ZNF385D: variants seen among roughly 807,000 people sequenced by gnomAD.
ZNF385D encodes zinc finger protein 385D.
ZNF385D carries 15 observed loss-of-function variants against 35.8 expected under a neutral mutation model. The ratio of observed to expected loss-of-function variants is 0.42; its 90% CI spans 0.28 to 0.64. The LOEUF (loss-of-function observed/expected upper bound fraction) is 0.64. ZNF385D is among the 30% of genes least tolerant of loss of function. The pLI is 0.23. For missense variants in ZNF385D, 474 were observed against 494.6 expected, an observed-to-expected ratio of 0.96 and a Z score of 0.39; for synonymous variants, 212 against 186.8, an observed-to-expected ratio of 1.13 and a Z score of -1.10.
intron 4 of ZNF385D, among the ~76,000 whole-genome samples, chr3:21,470,585 A>C (rs897326628): frequency 4.6e-5 from 7 of 152,202 alleles, no homozygotes; most frequent in African/African-American, 9.6e-5. Flanking sequence ...TGTGTGCTTA[A>C]AATGGTTTCA....
At chr3:22,322,297 T>C in intron 2 of ZNF385D, among the ~76,000 whole-genome samples, 1 of 152,276 alleles carries the variant, frequency 6.6e-6, no homozygotes, top group East Asian at 1.9e-4. Flanking sequence ...GATGATATAT[T>C]TTAACTCCTT....
At chr3:21,674,756 C>G (rs1190418037) in intron 1 of ZNF385D, among the ~76,000 whole-genome samples, 1 of 152,080 alleles carries the variant, frequency 6.6e-6, no homozygotes, top group Non-Finnish European at 1.5e-5. Flanking sequence ...GCCAACATTA[C>G]TAGACTTACT....
chr3:22,135,533 T>C (rs752491029), intron 3 of ZNF385D, among the ~76,000 whole-genome samples: 3 of 152,122 alleles, frequency 2.0e-5, no homozygotes, highest in Non-Finnish European at 4.4e-5. Context: ...AGACTCAACA[T>C]AGTAAAAATG....
intron 2 of ZNF385D, among the ~76,000 whole-genome samples, chr3:22,305,777 A>G (rs544226961): frequency 6.6e-6 from 1 of 152,310 alleles, no homozygotes; most frequent in African/African-American, 2.4e-5. Context: ...AATACTCATG[A>G]ACAACCAATG....
intron 3 of ZNF385D, chr3:22,134,328 A>G (rs1703977697): frequency 6.6e-6 from 1 of 152,168 alleles, no homozygotes; most frequent in Non-Finnish European, 1.5e-5. Context: ...CCAAGAAGAT[A>G]TAATGCTAAA....
chr3:21,796,388 C>A (rs997943396), intron 3 of ZNF385D, among the ~76,000 whole-genome samples: 1 of 152,140 alleles, frequency 6.6e-6, no homozygotes, highest in East Asian at 1.9e-4. Context: ...AAATCCTCAA[C>A]AAAATATTGG....
chr3:21,920,354 G>T (rs949530099), intron 3 of ZNF385D, among the ~76,000 whole-genome samples: 2 of 152,120 alleles, frequency 1.3e-5, no homozygotes, highest in Non-Finnish European at 2.9e-5. Context: ...AAAATTGCTT[G>T]CTGTAACTCC....
At chr3:22,208,838 A>G (rs567088625) in intron 2 of ZNF385D, among the ~76,000 whole-genome samples, 1 of 151,896 alleles carries the variant, frequency 6.6e-6, no homozygotes, top group Non-Finnish European at 1.5e-5. Flanking sequence ...AAAACTAAAG[A>G]GAGAATAGAA....
At chr3:22,022,988 A>G (rs1339022468) in intron 3 of ZNF385D, among the ~76,000 whole-genome samples, 3 of 152,178 alleles carry the variant, frequency 2.0e-5, no homozygotes, top group Admixed American at 1.3e-4. Flanking sequence ...AAGAAGGCAA[A>G]TAAACAGAAC....
chr3:21,754,672 T>G (rs2070259534), upstream of ZNF385D, among the ~76,000 whole-genome samples: 1 of 152,090 alleles, frequency 6.6e-6, no homozygotes, highest in African/African-American at 2.4e-5. Flanking sequence ...TTAACCTCCT[T>G]TCCTCCCTTA....
intron 3 of ZNF385D, among the ~76,000 whole-genome samples, chr3:21,982,141 T>A (rs113446145): frequency 0.019 from 2,911 of 151,084 alleles, 40 homozygotes; most frequent in Non-Finnish European, 0.029. Context: ...GGAGTAGCCC[T>A]GAATTTGTAA....
chr3:21,866,950 C>T (rs1229570764), intron 3 of ZNF385D, among the ~76,000 whole-genome samples: 3 of 152,076 alleles, frequency 2.0e-5, no homozygotes, highest in African/African-American at 7.2e-5. Flanking sequence ...GGCCAGGCTG[C>T]ACCCAATACC....
At chr3:22,304,938 G>A (rs975796121) in intron 2 of ZNF385D, among the ~76,000 whole-genome samples, 2 of 151,956 alleles carry the variant, frequency 1.3e-5, no homozygotes, top group Non-Finnish European at 2.9e-5. Context: ...TATGATTAAA[G>A]CATTAAGTGC....
At chr3:22,348,496 A>AAT (rs1265500791) in intron 2 of ZNF385D, among the ~76,000 whole-genome samples, 1 of 150,560 alleles carries the variant, frequency 6.6e-6, no homozygotes, top group African/African-American at 2.5e-5. Flanking sequence ...AAAAAAAAAA[A>AAT]AAAAAAAAAA....
At chr3:21,891,610 A>G (rs745458106) in intron 3 of ZNF385D, among the ~76,000 whole-genome samples, 1 of 152,212 alleles carries the variant, frequency 6.6e-6, no homozygotes, top group Non-Finnish European at 1.5e-5. Context: ...GAAATAATAA[A>G]TATTCATTGA....
chr3:21,806,873 G>C lies in ZNF385D; in HGVS notation c.326-141845C>G, dbSNP rs2072676659. ...TTGTGAATCAAAAAAACAAAGCAAA[G>C]CAAAACATTAGCAGTAATTCTTATA... On this transcript the variant is annotated intron_variant, in intron 3 of 5. Coordinates refer to the ZNF385D transcript ENST00000494108. Among the ~76,000 whole-genome samples the C allele has an allele frequency of 2.0e-5, 3 of 152,168 alleles. No individual in the cohort carries two copies. In the South Asian group the frequency reaches 6.2e-4, roughly 32 times the overall value.
At chr3:21,743,389 C>G (rs895525921) in intron 1 of ZNF385D, among the ~76,000 whole-genome samples, 1 of 152,212 alleles carries the variant, frequency 6.6e-6, no homozygotes, top group Non-Finnish European at 1.5e-5. Flanking sequence ...GTAGAGAAAG[C>G]CTGGATCCTT....
chr3:21,991,827 C>G (rs1401181726), intron 3 of ZNF385D, among the ~76,000 whole-genome samples: 1 of 152,156 alleles, frequency 6.6e-6, no homozygotes, highest in Non-Finnish European at 1.5e-5. Flanking sequence ...TTACTAGTCA[C>G]AGTGGTAAGA....
chr3:22,271,207 T>C (rs867849380), intron 2 of ZNF385D, among the ~76,000 whole-genome samples: 11 of 133,718 alleles, frequency 8.2e-5, no homozygotes, highest in African/African-American at 3.1e-4. Flanking sequence ...CTTTGAGCTA[T>C]TATAGTCAGG....
Sources: allele counts gnomAD v4.1 joint callset (sites outside exome capture counted in the v4.1 genomes callset), GRCh38; gene constraint gnomAD v4.1.1; transcripts MANE v1.5; gene names NCBI Gene and HGNC (gene_info 2026-07-23, HGNC 2026-07-21).